ROR1: variants seen among roughly 807,000 people sequenced by gnomAD.
ROR1 encodes the protein inactive tyrosine-protein kinase transmembrane receptor ROR1.
ROR1 carries 19 observed loss-of-function variants against 78.8 expected under a neutral mutation model. That is an observed-to-expected ratio of 0.24 (90% CI 0.17 to 0.35). The LOEUF (loss-of-function observed/expected upper bound fraction) is 0.35, where lower values mean the gene tolerates loss of function less well. ROR1 is among the 10% of genes least tolerant of loss of function. The pLI, the probability that ROR1 is intolerant of heterozygous loss-of-function variation, is 1.00. For missense variants in ROR1, 917 were observed against 1,177.8 expected, an observed-to-expected ratio of 0.78 and a Z score of 3.24; for synonymous variants, 386 against 433.6, an observed-to-expected ratio of 0.89 and a Z score of 1.36.
intron 4 of ROR1, among the ~76,000 whole-genome samples, chr1:64,119,485 G>A (rs531066809): frequency 4.0e-5 from 6 of 151,738 alleles, no homozygotes; most frequent in South Asian, 2.1e-4. Context: ...CTAAAAATAC[G>A]AAAATTAGCC....
chr1:64,100,852 A>G (rs754109500), intron 4 of ROR1, among the ~76,000 whole-genome samples: 1 of 152,202 alleles, frequency 6.6e-6, no homozygotes, highest in Non-Finnish European at 1.5e-5. Context: ...AATTCAACCC[A>G]TGTAAGTGCC....
chr1:63,907,472 G>A (rs1236583973), intron 1 of ROR1, among the ~76,000 whole-genome samples: 1 of 152,156 alleles, frequency 6.6e-6, no homozygotes, highest in East Asian at 1.9e-4. Context: ...AGTGGTAGCT[G>A]TTATTTTATT....
intron 1 of ROR1, among the ~76,000 whole-genome samples, chr1:63,954,391 G>A (rs72912841): frequency 0.029 from 4,450 of 152,280 alleles, 233 homozygotes; most frequent in African/African-American, 0.1. Flanking sequence ...AGGGAGGCTG[G>A]ACAATGTATA....
intron 1 of ROR1, among the ~76,000 whole-genome samples, chr1:63,823,596 C>T (rs993505831): frequency 5.9e-5 from 9 of 151,550 alleles, no homozygotes; most frequent in African/African-American, 1.7e-4. Context: ...ACTAGGAGTC[C>T]GTGCCACCAC....
intron 4 of ROR1, among the ~76,000 whole-genome samples, chr1:64,107,701 T>G (rs7524323): frequency 0.14 from 20,846 of 152,038 alleles, 1,651 homozygotes; most frequent in African/African-American, 0.19. Flanking sequence ...AATTCACTTT[T>G]TAGATTTCTA....
At chr1:64,008,332 T>C (rs1388518409) in intron 1 of ROR1, among the ~76,000 whole-genome samples, 1 of 152,228 alleles carries the variant, frequency 6.6e-6, no homozygotes, top group Non-Finnish European at 1.5e-5. Context: ...CCATGGTATA[T>C]ATGTACCACA....
intron 2 of ROR1, among the ~76,000 whole-genome samples, chr1:64,025,445 C>T (rs1280393203): frequency 3.3e-5 from 5 of 152,140 alleles, no homozygotes; most frequent in Admixed American, 6.6e-5. Context: ...CCAGCAATCC[C>T]ATTACCCAGA....
At chr1:64,090,969 C>T (rs1647192025) in intron 4 of ROR1, among the ~76,000 whole-genome samples, 1 of 146,150 alleles carries the variant, frequency 6.8e-6, no homozygotes, top group Non-Finnish European at 1.5e-5. Context: ...CTCAAAGCAG[C>T]CCTAATAGTT....
intron 1 of ROR1, among the ~76,000 whole-genome samples, chr1:63,934,382 A>G (rs1347661527): frequency 6.6e-6 from 1 of 152,180 alleles, no homozygotes; most frequent in African/African-American, 2.4e-5. Context: ...GATGCTGGTG[A>G]CACCAACCTC....
chr1:64,134,994 C>T (rs1225722836), intron 4 of ROR1, among the ~76,000 whole-genome samples: 1 of 152,226 alleles, frequency 6.6e-6, no homozygotes, highest in Middle Eastern at 3.4e-3. Context: ...GATGATCCAC[C>T]CGTCTCGGCC....
At chr1:64,175,019 A>ATTT (rs1557684678) in intron 8 of ROR1, among the ~76,000 whole-genome samples, 1 of 150,502 alleles carries the variant, frequency 6.6e-6, no homozygotes, top group African/African-American at 2.4e-5. Flanking sequence ...TTTTTTTTTA[A>ATTT]AAAAATAGTT....
intron 4 of ROR1, among the ~76,000 whole-genome samples, chr1:64,124,276 A>T (rs1648639830): frequency 6.6e-6 from 1 of 152,226 alleles, no homozygotes. Flanking sequence ...ATCTTATAAG[A>T]ATGTGATGAA....
At chr1:63,940,105 G>A (rs116250358) in intron 1 of ROR1, among the ~76,000 whole-genome samples, 1,562 of 152,260 alleles carry the variant, frequency 0.01, 23 homozygotes, top group Non-Finnish European at 0.016. Context: ...TGACTCATGA[G>A]CCACACAGGG....
At chr1:63,843,370 C>T in intron 1 of ROR1, 1 of 816,774 alleles carries the variant, frequency 1.2e-6, no homozygotes, top group Non-Finnish European at 2.1e-6. Flanking sequence ...GGAGCAGACT[C>T]AGGGACCCAG....
At chr1:64,026,665 A>G (rs905822531) in intron 2 of ROR1, among the ~76,000 whole-genome samples, 1 of 152,224 alleles carries the variant, frequency 6.6e-6, no homozygotes, top group South Asian at 2.1e-4. Context: ...CAGAAAGTTT[A>G]CAATCATGGC....
At chr1:63,820,666 CT>C (rs1250862546) in intron 1 of ROR1, among the ~76,000 whole-genome samples, 1 of 152,100 alleles carries the variant, frequency 6.6e-6, no homozygotes, top group Non-Finnish European at 1.5e-5. Flanking sequence ...AATGAACATA[CT>C]AAGGGTTGAC....
chr1:63,956,639 A>G (rs977205741), intron 1 of ROR1, among the ~76,000 whole-genome samples: 5 of 152,222 alleles, frequency 3.3e-5, no homozygotes, highest in African/African-American at 1.2e-4. Flanking sequence ...TGAATCACTC[A>G]CAAACATTGT....
intron 1 of ROR1, among the ~76,000 whole-genome samples, chr1:63,985,253 T>C (rs76451367): frequency 0.013 from 1,974 of 152,262 alleles, 41 homozygotes; most frequent in African/African-American, 0.046. Context: ...AAACAGCTTC[T>C]GAGTGAAAAC....
At chr1:63,918,507 G>A (rs1264441121) in intron 1 of ROR1, among the ~76,000 whole-genome samples, 1 of 152,182 alleles carries the variant, frequency 6.6e-6, no homozygotes, top group Admixed American at 6.5e-5. Flanking sequence ...GTACTCTCTA[G>A]AGCGTTTGTG....
Sources: gnomAD v4.1 joint callset for allele counts (sites outside exome capture counted in the v4.1 genomes callset) on GRCh38, gnomAD v4.1.1 for gene constraint, MANE v1.5 for transcripts, NCBI Gene and HGNC (gene_info 2026-07-23, HGNC 2026-07-21) for gene names.